ASTN1: variants seen among roughly 807,000 people sequenced by gnomAD.
ASTN1 encodes astrotactin-1.
In ASTN1, 41 loss-of-function variants were observed where a neutral mutation model predicts 140.7. The observed-to-expected ratio is 0.29, with a 90% CI of 0.23 to 0.38. ASTN1 has a LOEUF of 0.38. ASTN1 is among the 10% of genes least tolerant of loss of function. ASTN1 has a pLI of 1.00. For missense variants in ASTN1, 1,479 were observed against 1,678.8 expected (o/e 0.88, Z 2.08); for synonymous variants, 640 against 652.2 (o/e 0.98, Z 0.29).
intron 1 of ASTN1, among the ~76,000 whole-genome samples, chr1:177,064,927 T>C (rs534468672): frequency 6.6e-6 from 1 of 152,192 alleles, no homozygotes; most frequent in Non-Finnish European, 1.5e-5. Context: ...TCTTAACTGA[T>C]AGGACTGAGA....
At chr1:176,857,512 C>G, downstream of ASTN1, 1 of 438,816 alleles carries the variant, frequency 2.3e-6, no homozygotes, top group Non-Finnish European at 4.1e-6. Flanking sequence ...TGGAAGGTCA[C>G]ACGGAGGAGA....
chr1:176,876,730 T>C, intron 20 of ASTN1, 93 bp from the exon 21 acceptor site: 5 of 1,212,560 alleles, frequency 4.1e-6, no homozygotes, highest in Non-Finnish European at 5.9e-6. Context: ...TCTGCCTGAA[T>C]GGGTGGCTAT....
intron 1 of ASTN1, among the ~76,000 whole-genome samples, chr1:177,145,627 G>A (rs1418814121): frequency 6.6e-6 from 1 of 152,140 alleles, no homozygotes; most frequent in African/African-American, 2.4e-5. Flanking sequence ...AAACAGACCT[G>A]GGGGCAGAAA....
intron 8 of ASTN1, among the ~76,000 whole-genome samples, chr1:177,014,306 C>A (rs1269023376): frequency 6.6e-6 from 1 of 152,146 alleles, no homozygotes; most frequent in African/African-American, 2.4e-5. Flanking sequence ...GGGGATCAAG[C>A]AAAAATACTC....
At chr1:177,109,682 G>A (rs1680721925) in intron 1 of ASTN1, among the ~76,000 whole-genome samples, 1 of 152,184 alleles carries the variant, frequency 6.6e-6, no homozygotes, top group Non-Finnish European at 1.5e-5. Flanking sequence ...AGAGACCATG[G>A]AATATCCTCC....
At position 176,934,274 on chromosome 1, in the gene ASTN1, T is replaced by C. The variant is rs749003098; in HGVS notation, c.2549A>G (p.Asp850Gly). 8 of 1,613,796 alleles carry C rather than the reference T, an allele frequency of 5.0e-6. No homozygotes were observed. The Admixed American group carries it at 1.3e-4, about 27-fold the overall frequency. ...TSRADFVALL[D>G]QFGNHYIQEA... The stretch of plus-strand genomic sequence containing the variant: ...CTGGATGTAATGGTTGCCGAACTGG[T>C]CCAACAGCGCCACAAAATCTGCACG... Residue 850 changes from aspartate (D) to glycine (G), a missense_variant, in exon 16 of 23, where the codon GAC becomes GGC. Transcript: ENST00000361833.
intron 2 of ASTN1, among the ~76,000 whole-genome samples, chr1:177,034,132 T>C (rs1676590579): frequency 6.6e-6 from 1 of 152,004 alleles, no homozygotes. Flanking sequence ...TCCAAATACA[T>C]TAAAGGGGGC....
chr1:176,934,112 G>C (rs1170875198), intron 16 of ASTN1, 40 bp downstream of exon 16: 2 of 1,568,006 alleles, frequency 1.3e-6, no homozygotes, highest in African/African-American at 2.7e-5. Flanking sequence ...AGCCAGTACT[G>C]GCATGAGGTA....
At chr1:177,073,027 T>C (rs1249366359) in intron 1 of ASTN1, among the ~76,000 whole-genome samples, 1 of 152,196 alleles carries the variant, frequency 6.6e-6, no homozygotes, top group East Asian at 1.9e-4. Flanking sequence ...GTTTCACATA[T>C]AAGCTAGATT....
chr1:176,991,413 C>CA lies in ASTN1; in HGVS notation c.1523+23377dup, dbSNP rs1200261285. On this transcript the variant is annotated intron_variant, in intron 8 of 22. Coordinates refer to ENST00000361833, the MANE Select transcript of ASTN1 (RefSeq NM_004319.3). ...GGGCAACAAACGCTAAACTCTGTCT[C>CA]AAAAAAAAAAAAAAAAAAAAACCAA... is the stretch of plus-strand genomic sequence containing the variant. Among the ~76,000 whole-genome samples the CA allele has an allele frequency of 8.3e-3, 910 of 109,020 alleles. 5 individuals carry two copies. Among genetic ancestry groups the CA allele is most frequent in the Non-Finnish European group, 0.012 (625 of 52,806 alleles). The allele number at this position is 109,020 out of a possible 152,430, so 71.5% of individuals were successfully genotyped here.
intron 16 of ASTN1, among the ~76,000 whole-genome samples, chr1:176,930,754 A>C (rs966720065): frequency 1.3e-5 from 2 of 152,184 alleles, no homozygotes. Flanking sequence ...AAACAGCTGA[A>C]AGTGATAATT....
chr1:177,139,549 A>G (rs142509020), intron 1 of ASTN1, among the ~76,000 whole-genome samples: 76 of 152,360 alleles, frequency 5.0e-4, no homozygotes, highest in African/African-American at 1.7e-3. Context: ...GCCTTGTTAG[A>G]GCACAGTCAT....
intron 8 of ASTN1, among the ~76,000 whole-genome samples, chr1:176,998,451 G>T (rs188236024): frequency 6.6e-6 from 1 of 151,362 alleles, no homozygotes; most frequent in African/African-American, 2.4e-5. Context: ...CTTCACTGAT[G>T]CCTGAACAAG....
intron 21 of ASTN1, among the ~76,000 whole-genome samples, chr1:176,874,474 G>C (rs2103017784): frequency 6.6e-6 from 1 of 152,192 alleles, no homozygotes; most frequent in East Asian, 1.9e-4. Context: ...ACCATTTTTT[G>C]GTAACATGGA....
chr1:177,018,350 G>GCCAA (rs1039089157), intron 7 of ASTN1, among the ~76,000 whole-genome samples: 10 of 152,162 alleles, frequency 6.6e-5, no homozygotes, highest in Admixed American at 2.6e-4. Context: ...CAACCAATCA[G>GCCAA]CCAACCAACC....
chr1:177,014,663 T>C, intron 8 of ASTN1, 128 bp downstream of exon 8: 1 of 743,374 alleles, frequency 1.3e-6, no homozygotes, highest in Non-Finnish European at 2.3e-6. Flanking sequence ...GTGACATTTT[T>C]ACCCATTTGC....
intron 2 of ASTN1, among the ~76,000 whole-genome samples, chr1:177,037,268 T>C (rs980933439): frequency 6.6e-6 from 1 of 152,158 alleles, no homozygotes; most frequent in African/African-American, 2.4e-5. Context: ...GGCCAAAGAC[T>C]ATGGCTGGAA....
rs970190219 is a variant in ASTN1 at position 177,024,868 on chromosome 1, G to A, written c.1121-136C>T. The A allele has an allele frequency of 1.7e-5, 17 of 975,546 alleles. No homozygotes were observed. The African/African-American group carries it at 2.6e-4, about 15-fold the overall frequency. 60.4% of individuals were successfully genotyped at this position (975,546 alleles called of 1,614,324 possible). On this transcript the variant is annotated intron_variant, in intron 5 of 22. Coordinates refer to ENST00000361833, the MANE Select transcript of ASTN1 (RefSeq NM_004319.3). ...TAGCCCATGGAGGGAACTGTCTCTG[G>A]CTGCATGACCTCAGTGACCTTCTTC...
At chr1:177,004,393 G>A (rs1012886090) in intron 8 of ASTN1, among the ~76,000 whole-genome samples, 12 of 152,058 alleles carry the variant, frequency 7.9e-5, no homozygotes, top group African/African-American at 2.9e-4. Context: ...TGACCATACT[G>A]CCCAAAGCAA....
Sources: gnomAD v4.1 joint callset for allele counts (sites outside exome capture counted in the v4.1 genomes callset) on GRCh38, gnomAD v4.1.1 for gene constraint, MANE v1.5 for transcripts, NCBI Gene and HGNC (gene_info 2026-07-23, HGNC 2026-07-21) for gene names.